VTI1A: variants seen among roughly 807,000 people sequenced by gnomAD.
VTI1A encodes the protein vesicle transport through interaction with t-SNAREs 1A.
VTI1A carries 22 observed loss-of-function variants against 34.9 expected under a neutral mutation model. The observed-to-expected ratio is 0.63, with a 90% CI of 0.45 to 0.90. The LOEUF (loss-of-function observed/expected upper bound fraction) is 0.90. VTI1A is among the 40% of genes least tolerant of loss of function. VTI1A has a pLI of 0.00. For synonymous variants in VTI1A, 87 were observed against 97.3 expected, an observed-to-expected ratio of 0.89 and a Z score of 0.62; for missense variants, 268 against 275.6, an observed-to-expected ratio of 0.97 and a Z score of 0.20.
chr10:112,512,667 CAT>C (rs971700958), intron 3 of VTI1A, among the ~76,000 whole-genome samples: 24 of 152,166 alleles, frequency 1.6e-4, no homozygotes, highest in South Asian at 1.5e-3. Flanking sequence ...CTAGTATTTT[CAT>C]AGTTTGGAGT....
chr10:112,704,235 C>T (rs914413147), intron 7 of VTI1A, among the ~76,000 whole-genome samples: 4 of 152,132 alleles, frequency 2.6e-5, no homozygotes, highest in African/African-American at 4.8e-5. Flanking sequence ...TTAAAGTCAT[C>T]GTCTGACCCT....
In VTI1A at chr10:112,610,442, T is replaced by C. The variant is rs143226528; in HGVS notation, c.428-57776T>C. Among the ~76,000 whole-genome samples the C allele has an allele frequency of 3.5e-3, 539 of 152,256 alleles. 9 individuals carry two copies. The highest frequency in any genetic ancestry group is 0.012 in the African/African-American group (509 of 41,538). ...CAAAGAATCTTTGATTTGGAAAGGA[T>C]CTTTGAAATCATCCAGTCCAATTTT... is the stretch of plus-strand genomic sequence containing the variant. On this transcript the variant is annotated intron_variant, in intron 5 of 7. Transcript: ENST00000393077.
At chr10:112,735,423 A>G (rs1378463325) in intron 7 of VTI1A, among the ~76,000 whole-genome samples, 1 of 152,248 alleles carries the variant, frequency 6.6e-6, no homozygotes, top group Admixed American at 6.5e-5. Flanking sequence ...CGAGTAAACA[A>G]TGCAAATAAA....
intron 5 of VTI1A, among the ~76,000 whole-genome samples, chr10:112,623,042 T>C (rs944860528): frequency 3.3e-5 from 5 of 152,212 alleles, no homozygotes; most frequent in African/African-American, 9.6e-5. Context: ...GATTGGGTGG[T>C]ACACCTGAAA....
chr10:112,699,689 G>A (rs1303976271), intron 7 of VTI1A, among the ~76,000 whole-genome samples: 1 of 151,596 alleles, frequency 6.6e-6, no homozygotes, highest in Non-Finnish European at 1.5e-5. Context: ...AAATTAGCTG[G>A]GTGTGGTGGC....
chr10:112,523,309 G>A (rs1053210534), intron 3 of VTI1A, among the ~76,000 whole-genome samples: 15 of 152,048 alleles, frequency 9.9e-5, no homozygotes, highest in African/African-American at 3.6e-4. Context: ...AGTAAAAATC[G>A]AAAATCGCCT....
intron 4 of VTI1A, among the ~76,000 whole-genome samples, chr10:112,532,233 G>A (rs1344502853): frequency 6.6e-6 from 1 of 152,096 alleles, no homozygotes; most frequent in Non-Finnish European, 1.5e-5. Context: ...GAGATATCCG[G>A]GCTATAGTAA....
At chr10:112,625,670 A>G (rs1845898128) in intron 5 of VTI1A, among the ~76,000 whole-genome samples, 2 of 150,360 alleles carry the variant, frequency 1.3e-5, no homozygotes, top group Non-Finnish European at 1.5e-5. Flanking sequence ...CAAACATCAT[A>G]TCTTCTCACT....
downstream of VTI1A, among the ~76,000 whole-genome samples, chr10:112,820,963 G>A (rs145581387): frequency 1.6e-3 from 247 of 152,204 alleles, 1 homozygote; most frequent in African/African-American, 5.8e-3. Context: ...GCTAAAGAGG[G>A]GGAAAGACAG....
chr10:112,588,671 G>A (rs1481297680), intron 5 of VTI1A, among the ~76,000 whole-genome samples: 1 of 152,214 alleles, frequency 6.6e-6, no homozygotes, highest in Non-Finnish European at 1.5e-5. Flanking sequence ...GCAAGTAGTA[G>A]GGAACAGTAA....
chr10:112,608,774 A>G (rs142507455), intron 5 of VTI1A, among the ~76,000 whole-genome samples: 174 of 152,280 alleles, frequency 1.1e-3, no homozygotes, highest in Middle Eastern at 0.01. Flanking sequence ...CTGATGCACT[A>G]TGTCTGACCT....
intron 5 of VTI1A, among the ~76,000 whole-genome samples, chr10:112,562,527 T>C (rs780456557): frequency 1.3e-5 from 2 of 152,080 alleles, no homozygotes; most frequent in Non-Finnish European, 2.9e-5. Context: ...TATGTTTGTG[T>C]GTGTGTGTGT....
At chr10:112,757,045 C>CAA (rs35767517) in intron 7 of VTI1A, among the ~76,000 whole-genome samples, 3 of 131,688 alleles carry the variant, frequency 2.3e-5, no homozygotes, top group African/African-American at 2.7e-5. Flanking sequence ...GACCTTGCCT[C>CAA]AAAAAAAAAA....
chr10:112,467,030 T>C (rs1357496258), intron 3 of VTI1A, among the ~76,000 whole-genome samples: 1 of 152,206 alleles, frequency 6.6e-6, no homozygotes, highest in Non-Finnish European at 1.5e-5. Flanking sequence ...ATCACCTCTT[T>C]GAAGACCCTA....
intron 7 of VTI1A, among the ~76,000 whole-genome samples, chr10:112,793,514 A>G (rs1852561772): frequency 1.3e-5 from 2 of 152,286 alleles, no homozygotes; most frequent in Admixed American, 6.5e-5. Flanking sequence ...TAATGTTTCT[A>G]TACTGGGAAT....
At position 112,594,859 on chromosome 10, in the gene VTI1A, C is replaced by A. The variant is rs1844557853; in HGVS notation, c.427+56529C>A. Among the ~76,000 whole-genome samples the A allele has an allele frequency of 2.6e-5, 4 of 152,002 alleles. No individual in the cohort carries two copies. In the South Asian group the frequency reaches 8.3e-4, roughly 32 times the overall value. ...AAAGAACCCGCATCGCCAAGTCAAT[C>A]CTAAGCCAAAAGAACAAAGCTGGAG... is the stretch of plus-strand genomic sequence containing the variant. On this transcript the variant is annotated intron_variant, in intron 5 of 7. Coordinates refer to ENST00000393077, the MANE Select transcript of VTI1A (RefSeq NM_145206.4).
At chr10:112,710,002 A>G (rs1849352883) in intron 7 of VTI1A, among the ~76,000 whole-genome samples, 1 of 143,712 alleles carries the variant, frequency 7.0e-6, no homozygotes, top group Non-Finnish European at 1.5e-5. Flanking sequence ...CAGATCTAGT[A>G]TGCCTTAAGT....
intron 5 of VTI1A, among the ~76,000 whole-genome samples, chr10:112,575,430 A>G (rs1392783744): frequency 6.6e-6 from 1 of 152,230 alleles, no homozygotes; most frequent in African/African-American, 2.4e-5. Context: ...ACTGATATTT[A>G]TCCTCTCTTT....
At chr10:112,741,245 C>T (rs1327048016) in intron 7 of VTI1A, among the ~76,000 whole-genome samples, 1 of 152,156 alleles carries the variant, frequency 6.6e-6, no homozygotes, top group East Asian at 1.9e-4. Context: ...CACTTGAGGT[C>T]AGGAGTTCAA....
Sources: allele counts gnomAD v4.1 joint callset (sites outside exome capture counted in the v4.1 genomes callset), GRCh38; gene constraint gnomAD v4.1.1; transcripts MANE v1.5; gene names NCBI Gene and HGNC (gene_info 2026-07-23, HGNC 2026-07-21).